SYNPR: variants seen among roughly 807,000 people sequenced by gnomAD.
The protein encoded by SYNPR is synaptoporin.
In SYNPR, 23 loss-of-function variants were observed where a neutral mutation model predicts 32.9. The observed-to-expected ratio is 0.70, with a 90% confidence interval of 0.50 to 0.99. The LOEUF (loss-of-function observed/expected upper bound fraction) is 0.99. Among genes scored for constraint, SYNPR ranks in the 50% least tolerant of loss-of-function variants. The pLI, the probability that SYNPR is intolerant of heterozygous loss-of-function variation, is 0.00. For missense variants in SYNPR, 318 were observed against 349.3 expected, an observed-to-expected ratio of 0.91 and a Z score of 0.71; for synonymous variants, 146 against 135.9, an observed-to-expected ratio of 1.07 and a Z score of -0.52.
At chr3:63,405,731 G>T (rs915499253) in intron 2 of SYNPR, among the ~76,000 whole-genome samples, 1 of 152,170 alleles carries the variant, frequency 6.6e-6, no homozygotes, top group African/African-American at 2.4e-5. Flanking sequence ...GCAAGATTCT[G>T]AGTCAGAGAT....
rs536386358 is a variant in SYNPR at position 63,278,338 on chromosome 3, C to T, written c.-196C>T. 2.0e-5 allele frequency: 13 copies of T among 650,660 alleles called. No individual in the cohort carries two copies. The highest frequency in any genetic ancestry group is 2.9e-5 in the Non-Finnish European group (11 of 385,014). The allele number at this position is 650,660 out of a possible 1,614,324, so 40.3% of individuals were successfully genotyped here. On this transcript the variant is annotated 5_prime_UTR_variant, in exon 1 of 6. In the 5' UTR this introduces an upstream ATG that the reference lacks. Coordinates refer to ENST00000478300, the MANE Select transcript of SYNPR (RefSeq NM_001130003.2). ...TCGCTGACTCGCTTCGCTTCCCCGA[C>T]GCGCTGGGTTCCCGGAGCGCAGAGC...
intron 3 of SYNPR, among the ~76,000 whole-genome samples, chr3:63,540,014 G>A (rs989570690): frequency 6.6e-6 from 1 of 152,088 alleles, no homozygotes; most frequent in African/African-American, 2.4e-5. Context: ...ACAGAAAAAA[G>A]AGCTTAATGT....
intron 3 of SYNPR, among the ~76,000 whole-genome samples, chr3:63,509,238 TACAC>T (rs1701646540): frequency 6.9e-6 from 1 of 144,496 alleles, no homozygotes; most frequent in East Asian, 2.0e-4. Flanking sequence ...TATATCTATA[TACAC>T]ACACATACAC....
At chr3:63,437,925 TG>T (rs1700113814) in intron 2 of SYNPR, among the ~76,000 whole-genome samples, 1 of 152,188 alleles carries the variant, frequency 6.6e-6, no homozygotes, top group Admixed American at 6.5e-5. Flanking sequence ...TTCAGCCTGC[TG>T]GGACACAGAT....
At chr3:63,354,827 C>A (rs1012032220) in intron 2 of SYNPR, among the ~76,000 whole-genome samples, 1 of 152,212 alleles carries the variant, frequency 6.6e-6, no homozygotes, top group Non-Finnish European at 1.5e-5. Flanking sequence ...TTATGAGCTA[C>A]TGACATGCAT....
At chr3:63,401,068 G>C (rs958489865) in intron 2 of SYNPR, among the ~76,000 whole-genome samples, 1 of 151,926 alleles carries the variant, frequency 6.6e-6, no homozygotes, top group South Asian at 2.1e-4. Flanking sequence ...GATAACAAGA[G>C]GACCCAGCTC....
intron 2 of SYNPR, among the ~76,000 whole-genome samples, chr3:63,279,757 T>C (rs990422511): frequency 3.9e-5 from 6 of 152,364 alleles, no homozygotes; most frequent in African/African-American, 1.2e-4. Flanking sequence ...CAAGGGCTTA[T>C]ATCTGGCAGT....
chr3:63,240,566 A>G (rs1321209278), intron 1 of SYNPR, among the ~76,000 whole-genome samples: 1 of 152,006 alleles, frequency 6.6e-6, no homozygotes, highest in Non-Finnish European at 1.5e-5. Flanking sequence ...GAGGTGGGGG[A>G]GTAAGCGAGA....
intron 5 of SYNPR, among the ~76,000 whole-genome samples, chr3:63,614,685 T>A (rs1204981308): frequency 6.6e-6 from 1 of 152,228 alleles, no homozygotes; most frequent in Admixed American, 6.5e-5. Context: ...TTTCTTTATA[T>A]GATTACAACA....
chr3:63,397,476 T>TG lies in SYNPR; in HGVS notation c.85-83356_85-83355insG, dbSNP rs1447656401. Among the ~76,000 whole-genome samples the TG allele has an allele frequency of 2.6e-5, 4 of 152,164 alleles. No homozygotes were observed. The East Asian group carries it at 7.7e-4, about 29-fold the overall frequency. On this transcript the variant is annotated intron_variant, in intron 2 of 5. Coordinates refer to ENST00000478300, the MANE Select transcript of SYNPR (RefSeq NM_001130003.2). ...ACTTATTCCCTTACTTCTTTTTTTC[T>TG]CCCTAATTCCTCCTGCATTCTCCTT...
chr3:63,401,460 A>G (rs565052898), intron 2 of SYNPR, among the ~76,000 whole-genome samples: 1 of 152,358 alleles, frequency 6.6e-6, no homozygotes, highest in Admixed American at 6.5e-5. Context: ...CTCCAATCAC[A>G]GGACATCAGT....
At chr3:63,241,812 G>T (rs988476051) in intron 1 of SYNPR, among the ~76,000 whole-genome samples, 12 of 151,954 alleles carry the variant, frequency 7.9e-5, no homozygotes, top group South Asian at 2.1e-4. Context: ...ATTTTAGTTG[G>T]GTTTTTTGTT....
At chr3:63,279,191 G>C (rs1052708978) in intron 2 of SYNPR, among the ~76,000 whole-genome samples, 1 of 152,168 alleles carries the variant, frequency 6.6e-6, no homozygotes, top group African/African-American at 2.4e-5. Context: ...TCAGAACTGA[G>C]ACAGCTCCTC....
At chr3:63,525,593 G>C (rs905888180) in intron 3 of SYNPR, among the ~76,000 whole-genome samples, 3 of 152,176 alleles carry the variant, frequency 2.0e-5, no homozygotes, top group Non-Finnish European at 4.4e-5. Context: ...GACAATCTGG[G>C]AGGAAGAAAC....
rs2088280325 is a variant in SYNPR, at chr3:63,400,775, G to A, written c.85-80057G>A. 2.0e-5 allele frequency among the ~76,000 whole-genome samples: 3 copies of A among 152,268 alleles called. No individual in the cohort carries two copies. In the South Asian group the frequency reaches 6.2e-4, roughly 32 times the overall value. On this transcript the variant is annotated intron_variant, in intron 2 of 5. Transcript: ENST00000478300. ...CAAACCCACCACAGGCAAGTACTAG[G>A]TTAACTCATCAAATTGAACAAAATG... is the stretch of plus-strand genomic sequence containing the variant.
At chr3:63,532,576 T>C (rs1702131622) in intron 3 of SYNPR, among the ~76,000 whole-genome samples, 1 of 152,244 alleles carries the variant, frequency 6.6e-6, no homozygotes, top group African/African-American at 2.4e-5. Flanking sequence ...GCTTCTGTCC[T>C]TGCTGTTGTC....
At chr3:63,275,868 C>A (rs1560175765), upstream of SYNPR, among the ~76,000 whole-genome samples, 2 of 152,088 alleles carry the variant, frequency 1.3e-5, no homozygotes, top group Non-Finnish European at 2.9e-5. Context: ...GGTTGACTAC[C>A]ATGCAAAGAG....
intron 4 of SYNPR, among the ~76,000 whole-genome samples, chr3:63,608,858 A>G (rs971706873): frequency 2.6e-5 from 4 of 152,218 alleles, no homozygotes; most frequent in Non-Finnish European, 5.9e-5. Context: ...AGGAACAATT[A>G]GGTGTGGGTT....
At chr3:63,572,764 C>T (rs1439168633) in intron 4 of SYNPR, among the ~76,000 whole-genome samples, 5 of 152,114 alleles carry the variant, frequency 3.3e-5, no homozygotes, top group Non-Finnish European at 7.4e-5. Flanking sequence ...GAACTGTATG[C>T]ATAAAAAGGT....
Sources: allele counts gnomAD v4.1 joint callset (sites outside exome capture counted in the v4.1 genomes callset), GRCh38; gene constraint gnomAD v4.1.1; transcripts MANE v1.5; gene names NCBI Gene and HGNC (gene_info 2026-07-23, HGNC 2026-07-21).